CDH1: variants seen among roughly 807,000 people sequenced by gnomAD.
CDH1 encodes cadherin-1.
Under a neutral mutation model 84.5 loss-of-function variants are expected in CDH1, and 35 were observed. The observed-to-expected ratio is 0.41, with a 90% CI of 0.32 to 0.55. The LOEUF (loss-of-function observed/expected upper bound fraction) is 0.55. Ranked by LOEUF, CDH1 falls within the 20% of genes least tolerant of loss-of-function variation. The probability of loss-of-function intolerance (pLI) is 0.19; values close to 1 mark genes in which losing one functional copy is unlikely to be tolerated. For synonymous variants in CDH1, 417 were observed against 439.0 expected, an observed-to-expected ratio of 0.95 and a Z score of 0.63; for missense variants, 994 against 1,126.6, an observed-to-expected ratio of 0.88 and a Z score of 1.68.
At chr16:68,820,024 C>G (rs1961097415) in intron 11 of CDH1, among the ~76,000 whole-genome samples, 1 of 151,926 alleles carries the variant, frequency 6.6e-6, no homozygotes, top group African/African-American at 2.4e-5. Context: ...CATGGCAAAA[C>G]CCTGTCTCTA....
At chr16:68,750,730 A>G (rs1962866374) in intron 2 of CDH1, among the ~76,000 whole-genome samples, 1 of 146,820 alleles carries the variant, frequency 6.8e-6, no homozygotes, top group East Asian at 2.0e-4. Context: ...TTTTTTTAAG[A>G]CAGGGTCTCT....
chr16:68,761,705 C>T (rs1365620087), intron 2 of CDH1, among the ~76,000 whole-genome samples: 10 of 152,048 alleles, frequency 6.6e-5, no homozygotes, highest in Non-Finnish European at 1.2e-4. Context: ...GACATTTGAG[C>T]AAAGACCCAA....
intron 12 of CDH1, chr16:68,823,059 A>G (rs1596964936): frequency 6.7e-6 from 2 of 297,818 alleles, no homozygotes; most frequent in South Asian, 4.1e-5. Flanking sequence ...GCCGGCCTCC[A>G]GGCCGGGCTG....
At chr16:68,820,144 AGCCAAGAT>A (rs1313392586) in intron 11 of CDH1, among the ~76,000 whole-genome samples, 4 of 151,732 alleles carry the variant, frequency 2.6e-5, no homozygotes, top group Non-Finnish European at 5.9e-5. Context: ...GGCTGCAGTG[AGCCAAGAT>A]TGCGCCACTG....
chr16:68,810,861 G>A (rs1242561576), intron 6 of CDH1, among the ~76,000 whole-genome samples: 5 of 150,474 alleles, frequency 3.3e-5, no homozygotes, highest in South Asian at 2.1e-4. Context: ...TCCAGACTCC[G>A]TCTCAAAAAA....
chr16:68,763,544 G>A (rs1959285850), intron 2 of CDH1: 1 of 152,292 alleles, frequency 6.6e-6, no homozygotes, highest in Non-Finnish European at 1.5e-5. Flanking sequence ...ACCTCCCAGA[G>A]TGAGAGGGGC....
At position 68,821,871 on chromosome 16, in the gene CDH1, T is replaced by C. The variant is rs34597017; in HGVS notation, c.1712-130T>C. The C allele has an allele frequency of 7.3e-3, 5,468 of 747,028 alleles. 206 individuals carry two copies. In the African/African-American group the frequency reaches 0.082, roughly 11 times the overall value. 46.3% of individuals were successfully genotyped at this position (747,028 alleles called of 1,614,324 possible). A position where few individuals can be genotyped will look rare whatever the true frequency, so the allele number is the denominator to read the frequency against. On this transcript the variant is annotated intron_variant, in intron 11 of 15. Transcript: ENST00000261769. ...TTGGGATTGGTGGGACAGGAGGTTC[T>C]GCGGGTGGAGTGGGGCCTGGTGAGG...
rs1200768444 is a variant in CDH1, at chr16:68,833,546, G to A, written c.*47G>A. 3.4e-6 allele frequency: 5 copies of A among 1,486,090 alleles called. No individual in the cohort carries two copies. In the East Asian group the frequency reaches 9.0e-5, roughly 27 times the overall value. 92.1% of individuals were successfully genotyped at this position (1,486,090 alleles called of 1,614,324 possible). ...CCAGACCCATGTGCTGGGAAATGCA[G>A]AAATCACGTTGCTGGTGGTTTTTCA... On this transcript the variant is annotated 3_prime_UTR_variant, in exon 16 of 16. Transcript: ENST00000261769.
intron 2 of CDH1, among the ~76,000 whole-genome samples, chr16:68,777,612 C>T (rs9889152): frequency 0.012 from 1,722 of 145,462 alleles, 32 homozygotes; most frequent in African/African-American, 0.042. Context: ...GGTGCAACCA[C>T]GGCTTATTGC....
chr16:68,818,692 AC>A (rs1961051764), intron 10 of CDH1, among the ~76,000 whole-genome samples: 1 of 150,914 alleles, frequency 6.6e-6, no homozygotes, highest in African/African-American at 2.4e-5. Context: ...AACTAACAAT[AC>A]AAAAAAATTA....
intron 2 of CDH1, among the ~76,000 whole-genome samples, chr16:68,786,621 A>G (rs528653958): frequency 7.1e-6 from 1 of 139,888 alleles, no homozygotes; most frequent in Admixed American, 8.0e-5. Flanking sequence ...AGGCACACAT[A>G]TAGTCTGAGC....
At chr16:68,745,549 A>AAAGATATATATATATATGT (rs1555510453) in intron 2 of CDH1, among the ~76,000 whole-genome samples, 1 of 75,182 alleles carries the variant, frequency 1.3e-5, no homozygotes, top group Non-Finnish European at 2.4e-5. Flanking sequence ...AAAAAAAAAA[A>AAAGATATATATATATATGT]ATATATATAT....
At chr16:68,757,170 C>A (rs1052290126) in intron 2 of CDH1, among the ~76,000 whole-genome samples, 3 of 152,074 alleles carry the variant, frequency 2.0e-5, no homozygotes, top group African/African-American at 7.2e-5. Context: ...CTCACTGCAA[C>A]CTCCACCTCC....
rs56019300 is a variant in CDH1 at position 68,760,086 on chromosome 16, ATTT to A, written c.163+21689_163+21691del. On this transcript the variant is annotated intron_variant, in intron 2 of 15. Transcript: ENST00000261769. Reference sequence around the variant, plus strand: ...CTTGTAAAGTATTCCATATATATATATTTTTTTTTTTTTTTTAATTTTTTTTTT... The same window carrying A: ...CTTGTAAAGTATTCCATATATATATATTTTTTTTTTTTTAATTTTTTTTTT... Among the ~76,000 whole-genome samples the A allele has an allele frequency of 5.2e-3, 637 of 122,136 alleles. 4 individuals carry two copies. The highest frequency in any genetic ancestry group is 8.5e-3 in the Non-Finnish European group (487 of 57,110). The allele number at this position is 122,136 out of a possible 152,430, so 80.1% of individuals were successfully genotyped here. A position where few individuals can be genotyped will look rare whatever the true frequency, so the allele number is the denominator to read the frequency against.
chr16:68,825,828 T>TTA lies in CDH1; in HGVS notation c.2164+2202_2164+2203insTA, dbSNP rs1555517411. ...CTTTTTTTTTTTTTTTTTTTTTTTT[T>TTA]AGGCAAGTTCTCATTCTGTGGGCCC... On this transcript the variant is annotated intron_variant, in intron 13 of 15. Transcript: ENST00000261769. Among the ~76,000 whole-genome samples, 331 of 143,912 alleles carry TTA rather than the reference T, an allele frequency of 2.3e-3. 8 individuals carry two copies. The highest frequency in any genetic ancestry group is 0.022 in the Admixed American group (300 of 13,598). The allele number at this position is 143,912 out of a possible 152,430, so 94.4% of individuals were successfully genotyped here. A position where few individuals can be genotyped will look rare whatever the true frequency, so the allele number is the denominator to read the frequency against.
In CDH1 at chr16:68,757,789, CCTTT is replaced by C. The variant is rs1318297991; in HGVS notation, c.163+19391_163+19394del. Among the ~76,000 whole-genome samples the C allele has an allele frequency of 1.4e-3, 156 of 113,436 alleles. 1 individual carries two copies. Among genetic ancestry groups the C allele is most frequent in the Non-Finnish European group, 1.8e-3 (94 of 52,478 alleles). The allele number at this position is 113,436 out of a possible 152,430, so 74.4% of individuals were successfully genotyped here. ...TCTCTCCTTCCTTCCTTCCTTCCTTCCTTTCTTTCTTTCTTTTTTTTGAGACAGG... is the reference window on the plus strand; with the variant it reads ...TCTCTCCTTCCTTCCTTCCTTCCTTCCTTTCTTTCTTTTTTTTGAGACAGG... On this transcript the variant is annotated intron_variant, in intron 2 of 15. Coordinates refer to ENST00000261769, the MANE Select transcript of CDH1 (RefSeq NM_004360.5).
At chr16:68,808,273 A>C in intron 3 of CDH1, 151 bp from the exon 4 acceptor site, 1 of 779,690 alleles carries the variant, frequency 1.3e-6, no homozygotes, top group Non-Finnish European at 2.2e-6. Context: ...GGATATATAT[A>C]ATTTGTCATT....
intron 11 of CDH1, among the ~76,000 whole-genome samples, chr16:68,821,700 T>G (rs1329228883): frequency 6.6e-6 from 1 of 152,164 alleles, no homozygotes; most frequent in Non-Finnish European, 1.5e-5. Context: ...TTGGAGTAGT[T>G]AAAATTCAGT....
chr16:68,768,599 A>G (rs368239701), intron 2 of CDH1, among the ~76,000 whole-genome samples: 1 of 152,214 alleles, frequency 6.6e-6, no homozygotes, highest in African/African-American at 2.4e-5. Context: ...GTACATGCCT[A>G]TAGTCCCAGG....
Sources: gnomAD v4.1 joint callset for allele counts (sites outside exome capture counted in the v4.1 genomes callset) on GRCh38, gnomAD v4.1.1 for gene constraint, MANE v1.5 for transcripts, NCBI Gene and HGNC (gene_info 2026-07-23, HGNC 2026-07-21) for gene names.